TSNAXIP1: variants seen among roughly 807,000 people sequenced by gnomAD.
TSNAXIP1 encodes the protein translin-associated factor X-interacting protein 1.
In TSNAXIP1, 89 loss-of-function variants were observed where a neutral mutation model predicts 84.8. The ratio of observed to expected loss-of-function variants is 1.05; its 90% CI spans 0.88 to 1.25. The LOEUF is 1.25. TSNAXIP1 is among the 50% of genes most tolerant of loss of function. The pLI, the probability that TSNAXIP1 is intolerant of heterozygous loss-of-function variation, is 0.00. For missense variants in TSNAXIP1, 874 were observed against 887.6 expected (o/e 0.98, Z 0.20); for synonymous variants, 347 against 335.2 (o/e 1.04, Z -0.39).
chr16:67,820,884 T>C lies in TSNAXIP1; in HGVS notation c.193T>C (p.Tyr65His). 6.3e-7 allele frequency: 1 copy of C among 1,598,818 alleles called. No individual in the cohort carries two copies. The highest frequency in any genetic ancestry group is 8.5e-7 in the Non-Finnish European group (1 of 1,172,738). Residue 65 changes from tyrosine (Y) to histidine (H), a missense_variant, in exon 3 of 16, where the codon TAC becomes CAC. Transcript: ENST00000561639. ...TGGGCACCTGTCCCCATGGCCCACA[T>C]ACACCAGTGGCCAGACCATTTTGCA... Reference protein sequence around the residue: ...MGGHLSPWPTYTSGQTILQNR... With the variant: ...MGGHLSPWPTHTSGQTILQNR...
chr16:67,810,131 T>C (rs2055915058), intron 1 of TSNAXIP1, among the ~76,000 whole-genome samples: 2 of 152,156 alleles, frequency 1.3e-5, no homozygotes, highest in African/African-American at 2.4e-5. Flanking sequence ...ACCTTAGCAC[T>C]GTGGAACATG....
At chr16:67,810,120 G>C (rs1341304261) in intron 1 of TSNAXIP1, among the ~76,000 whole-genome samples, 2 of 152,082 alleles carry the variant, frequency 1.3e-5, no homozygotes, top group African/African-American at 4.8e-5. Context: ...GGATAAGCTA[G>C]ACCTTAGCAC....
At position 67,827,012 on chromosome 16, in the gene TSNAXIP1, T is replaced by G. The variant is rs1252258786; in HGVS notation, c.1604T>G (p.Leu535Arg). The change falls in exon 13 of 16, where the codon CTG (leucine) becomes CGG (arginine). Residue 535 changes from leucine to arginine, a missense_variant. Transcript: ENST00000561639. ...CAGAAGGAGACAGTAGCCCAGCTGC[T>G]GAAGGAGATGACAAATGCTGACAGT... Reference protein sequence around the residue: ...VTQKETVAQLLKEMTNADSQN... With the variant: ...VTQKETVAQLRKEMTNADSQN... The G allele has an allele frequency of 6.2e-7, 1 of 1,614,176 alleles. No homozygotes were observed. Among genetic ancestry groups the G allele is most frequent in the East Asian group, 2.2e-5 (1 of 44,884 alleles).
At chr16:67,811,436 CTT>C (rs1190285857) in intron 1 of TSNAXIP1, among the ~76,000 whole-genome samples, 3 of 101,970 alleles carry the variant, frequency 2.9e-5, no homozygotes, top group South Asian at 3.0e-4. Context: ...ATTGATTAGT[CTT>C]TTTTTTTTTT....
intron 13 of TSNAXIP1, 56 bp from the exon 14 acceptor site, chr16:67,827,193 G>C (rs1053102076): frequency 4.3e-6 from 7 of 1,610,946 alleles, no homozygotes; most frequent in Non-Finnish European, 5.9e-6. Context: ...GAGCACTAGG[G>C]AGAGGCACAA....
At chr16:67,818,390 C>G (rs369762102) in intron 2 of TSNAXIP1, among the ~76,000 whole-genome samples, 3 of 151,830 alleles carry the variant, frequency 2.0e-5, no homozygotes, top group African/African-American at 7.3e-5. Context: ...GGTGGTGTGC[C>G]CATGTAGTCC....
Position 67,826,438 on chromosome 16 carries a change from G to A in TSNAXIP1, c.1277G>A (p.Gly426Asp). The A allele has an allele frequency of 6.2e-7, 1 of 1,613,558 alleles. No homozygotes were observed. Among genetic ancestry groups the A allele is most frequent in the Non-Finnish European group, 8.5e-7 (1 of 1,180,016 alleles). Residue 426 changes from glycine (G) to aspartate (D), a missense_variant and splice_region_variant, in exon 11 of 16, where the codon GGC (glycine) becomes GAC (aspartate). By Grantham distance (94) the Gly-to-Asp change is moderately conservative. Coordinates refer to ENST00000561639, the MANE Select transcript of TSNAXIP1 (RefSeq NM_001288990.3). Reference sequence around the variant, plus strand: ...ATGAGCTGATATCCTCCCTCCTAGGGCTATGGGGAAGCCATCCCTGCTTTT... The same window carrying A: ...ATGAGCTGATATCCTCCCTCCTAGGACTATGGGGAAGCCATCCCTGCTTTT... ...LREKDFFPGLGYGEAIPAFLR... is the reference protein window; with the variant it reads ...LREKDFFPGLDYGEAIPAFLR...
intron 1 of TSNAXIP1, among the ~76,000 whole-genome samples, chr16:67,810,475 C>T (rs1470311596): frequency 6.6e-6 from 1 of 151,732 alleles, no homozygotes; most frequent in Non-Finnish European, 1.5e-5. Flanking sequence ...AAAAATTAGC[C>T]GGGCTTGGTG....
intron 6 of TSNAXIP1, 51 bp downstream of exon 6, chr16:67,824,830 C>G: frequency 6.4e-7 from 1 of 1,572,600 alleles, no homozygotes; most frequent in South Asian, 1.2e-5. Context: ...CCTGCCAACT[C>G]CACGACAAGG....
rs1449463437 is a variant in TSNAXIP1, at chr16:67,827,839, T to C, written c.1985T>C (p.Met662Thr). Residue 662 changes from methionine to threonine, a missense_variant, in exon 16 of 16, where the codon ATG becomes ACG. Met to Thr is a moderately conservative substitution (Grantham distance 81). Transcript: ENST00000561639. Reference protein sequence around the residue: ...SLDKQTVNTYMSQAFQLPESE... With the variant: ...SLDKQTVNTYTSQAFQLPESE... The stretch of plus-strand genomic sequence containing the variant: ...GACAAGCAGACAGTGAACACCTACA[T>C]GAGCCAGGCCTTCCAGCTCCCTGAG... 1.2e-6 allele frequency: 2 copies of C among 1,614,050 alleles called. No individual in the cohort carries two copies. Among genetic ancestry groups the C allele is most frequent in the East Asian group, 4.5e-5 (2 of 44,862 alleles).
chr16:67,814,409 A>G lies in TSNAXIP1; in HGVS notation c.147+8A>G, dbSNP rs1488307442. On this transcript the variant is annotated splice_region_variant and intron_variant, in intron 2 of 15. Coordinates refer to ENST00000561639, the MANE Select transcript of TSNAXIP1 (RefSeq NM_001288990.3). Reference sequence around the variant, plus strand: ...CAGAAACGAAGGACGCTGGTTAGTGACAATGTTGTTTTGGAACCCCAAATG... The same window carrying G: ...CAGAAACGAAGGACGCTGGTTAGTGGCAATGTTGTTTTGGAACCCCAAATG... 1 of 1,535,218 alleles carries G rather than the reference A, an allele frequency of 6.5e-7. No homozygotes were observed. The highest frequency in any genetic ancestry group is 2.4e-5 in the East Asian group (1 of 40,898).
At chr16:67,826,115 G>A (rs1475200874) in intron 9 of TSNAXIP1, 37 bp from the exon 10 acceptor site, 1 of 1,613,296 alleles carries the variant, frequency 6.2e-7, no homozygotes, top group Non-Finnish European at 8.5e-7. Flanking sequence ...CTGCTTACAT[G>A]TGGGCCCAGA....
intron 7 of TSNAXIP1, 44 bp from the exon 8 acceptor site, chr16:67,825,623 G>A (rs775861694): frequency 6.3e-7 from 1 of 1,578,564 alleles, no homozygotes; most frequent in South Asian, 1.2e-5. Context: ...CAACCCCTGA[G>A]AAAGCCACGG....
intron 3 of TSNAXIP1, 66 bp from the exon 4 acceptor site, chr16:67,821,033 C>T: frequency 1.9e-6 from 3 of 1,605,152 alleles, no homozygotes; most frequent in Non-Finnish European, 2.6e-6. Context: ...GCGTGTGTTG[C>T]CCCAGACTGA....
Position 67,823,700 on chromosome 16 carries a change from T to G in TSNAXIP1, c.462T>G (p.Asn154Lys). 1.9e-6 allele frequency: 3 copies of G among 1,613,000 alleles called. No homozygotes were observed. Among genetic ancestry groups the G allele is most frequent in the Non-Finnish European group, 8.5e-7 (1 of 1,179,470 alleles). Residue 154 changes from asparagine (N) to lysine (K), a missense_variant, in exon 5 of 16, where the codon AAT (asparagine) becomes AAG (lysine). Coordinates refer to ENST00000561639, the MANE Select transcript of TSNAXIP1 (RefSeq NM_001288990.3). ...TYKPLLSSIK[N>K]AYEGMLAHQR... The stretch of plus-strand genomic sequence containing the variant: ...AGCCATTACTATCCTCCATCAAGAA[T>G]GCGTATGAGGGGATGCTGGGTAAGA...
intron 1 of TSNAXIP1, among the ~76,000 whole-genome samples, chr16:67,809,842 A>G (rs1247813197): frequency 4.0e-5 from 6 of 150,968 alleles, no homozygotes; most frequent in East Asian, 2.0e-4. Flanking sequence ...CCAGCTACTC[A>G]GGAGGCTGAA....
chr16:67,811,436 C>CTTTCTTTT (rs1208176390), intron 1 of TSNAXIP1, among the ~76,000 whole-genome samples: 1 of 101,980 alleles, frequency 9.8e-6, no homozygotes, highest in African/African-American at 4.4e-5. Context: ...ATTGATTAGT[C>CTTTCTTTT]TTTTTTTTTT....
At position 67,827,099 on chromosome 16, in the gene TSNAXIP1, A is replaced by G. The variant is rs370567714; in HGVS notation, c.1664+27A>G. ...TGAGAGGCCAGTCCAGGCTACCCCCAACTCCTACCCAACTATTCCTGCATC... is the reference window on the plus strand; with the variant it reads ...TGAGAGGCCAGTCCAGGCTACCCCCGACTCCTACCCAACTATTCCTGCATC... On this transcript the variant is annotated intron_variant, in intron 13 of 15. Coordinates refer to ENST00000561639, the MANE Select transcript of TSNAXIP1 (RefSeq NM_001288990.3). 10 of 1,611,516 alleles carry G rather than the reference A, an allele frequency of 6.2e-6. No individual in the cohort carries two copies. In the African/African-American group the frequency reaches 1.3e-4, roughly 22 times the overall value.
At chr16:67,807,342 C>A (rs2055535712) in intron 1 of TSNAXIP1, 146 bp downstream of exon 1, 18 of 1,533,746 alleles carry the variant, frequency 1.2e-5, no homozygotes, top group Non-Finnish European at 1.5e-5. Context: ...TGGTTAGAAT[C>A]GGGCTGATTT....
Sources: gnomAD v4.1 joint callset for allele counts (sites outside exome capture counted in the v4.1 genomes callset) on GRCh38, gnomAD v4.1.1 for gene constraint, MANE v1.5 for transcripts, NCBI Gene and HGNC (gene_info 2026-07-23, HGNC 2026-07-21) for gene names.